NBAS: variants seen among roughly 807,000 people sequenced by gnomAD.
NBAS encodes the protein NAG/BC035112 fusion.
A neutral mutation model predicts 302.5 loss-of-function variants in NBAS; 219 were observed. The ratio of observed to expected loss-of-function variants is 0.72; its 90% CI spans 0.65 to 0.81. The LOEUF is 0.81. Among genes scored for constraint, NBAS ranks in the 30% least tolerant of loss-of-function variants. The pLI is 0.00. For synonymous variants in NBAS, 1,118 were observed against 1,021.6 expected (o/e 1.09, Z -1.80); for missense variants, 2,932 against 2,841.6 (o/e 1.03, Z -0.72).
intron 41 of NBAS, 64 bp from the exon 42 acceptor site, chr2:15,287,247 C>T (rs568312313): frequency 3.0e-5 from 38 of 1,284,468 alleles, no homozygotes; most frequent in East Asian, 9.3e-5. Context: ...CAATCAGCAA[C>T]GAAAATGCTC....
chr2:15,052,132 C>G, the NBAS span, among the ~76,000 whole-genome samples: 2 of 152,178 alleles, frequency 1.3e-5, no homozygotes, highest in Non-Finnish European at 2.9e-5. Flanking sequence ...GACACTTAAT[C>G]TAGCCCCAGC....
In NBAS at chr2:15,238,689, T is replaced by TAAA. The variant is rs758697933; in HGVS notation, c.5725-6_5725-4dup. The stretch of plus-strand genomic sequence containing the variant: ...TCTTTACGGGCTTCCACAGACAGCT[T>TAAA]AAAAAAAAGAATAGTGAGACCAAAG... On this transcript the variant is annotated splice_polypyrimidine_tract_variant and splice_region_variant and intron_variant, in intron 44 of 51. Coordinates refer to ENST00000281513, the MANE Select transcript of NBAS (RefSeq NM_015909.4). 1.4e-6 allele frequency: 2 copies of TAAA among 1,458,014 alleles called. No individual in the cohort carries two copies. Among genetic ancestry groups the TAAA allele is most frequent in the Non-Finnish European group, 1.8e-6 (2 of 1,109,850 alleles). 90.3% of individuals were successfully genotyped at this position (1,458,014 alleles called of 1,614,324 possible). A position where few individuals can be genotyped will look rare whatever the true frequency, so the allele number is the denominator to read the frequency against.
chr2:15,163,946 G>A (rs574960879), downstream of NBAS, among the ~76,000 whole-genome samples: 12 of 152,188 alleles, frequency 7.9e-5, no homozygotes, highest in East Asian at 5.8e-4. Flanking sequence ...ATAGGCGTGC[G>A]CCACCACGCC....
chr2:15,047,905 C>A, the NBAS span, among the ~76,000 whole-genome samples: 2 of 152,390 alleles, frequency 1.3e-5, no homozygotes, highest in South Asian at 4.1e-4. Context: ...GGATACTGAC[C>A]TCAAAGCATT....
Position 15,474,296 on chromosome 2 carries a change from G to A in NBAS, c.1370C>T (p.Ser457Phe). 1 of 1,613,308 alleles carries A rather than the reference G, an allele frequency of 6.2e-7. No homozygotes were observed. Among genetic ancestry groups the A allele is most frequent in the Non-Finnish European group, 8.5e-7 (1 of 1,179,498 alleles). ...ECEIKLAPKRSRLETRAGEED... is the reference protein window; with the variant it reads ...ECEIKLAPKRFRLETRAGEED... ...TTCTCCAGCTCTAGTCTCCAAACGAGATCGTTTGGGGGCAAGTTTAATCTC... is the reference window on the plus strand; with the variant it reads ...TTCTCCAGCTCTAGTCTCCAAACGAAATCGTTTGGGGGCAAGTTTAATCTC... The change falls in exon 15 of 52, where the codon TCT becomes TTT. Residue 457 changes from serine to phenylalanine, a missense_variant. By Grantham distance (155) the Ser-to-Phe change is radical (BLOSUM62 -2). Transcript: ENST00000281513.
chr2:14,915,562 T>C, the NBAS span, among the ~76,000 whole-genome samples: 1,952 of 152,146 alleles, frequency 0.013, 31 homozygotes, highest in Middle Eastern at 0.048. Flanking sequence ...CAAGATCTGA[T>C]GGGTTTTTTT....
the NBAS span, among the ~76,000 whole-genome samples, chr2:15,123,793 C>T: frequency 1.3e-5 from 2 of 152,142 alleles, no homozygotes; most frequent in African/African-American, 4.8e-5. Context: ...CCAATTTAAC[C>T]TCCTTTATTT....
the NBAS span, among the ~76,000 whole-genome samples, chr2:15,106,896 T>C: frequency 1.3e-5 from 2 of 152,050 alleles, no homozygotes; most frequent in South Asian, 2.1e-4. Flanking sequence ...ACTTTGAGAA[T>C]TGGTATAAAA....
chr2:15,141,577 G>C, the NBAS span, among the ~76,000 whole-genome samples: 1 of 152,186 alleles, frequency 6.6e-6, no homozygotes, highest in Non-Finnish European at 1.5e-5. Flanking sequence ...TGAAGCTGAG[G>C]AAAGAGTTAG....
chr2:15,495,792 T>G (rs1007540861), intron 11 of NBAS, among the ~76,000 whole-genome samples: 3 of 152,070 alleles, frequency 2.0e-5, no homozygotes, highest in Admixed American at 6.5e-5. Flanking sequence ...ATAACAAGTG[T>G]TGGCATGGAT....
At chr2:14,913,266 C>T in the NBAS span, among the ~76,000 whole-genome samples, 4 of 152,232 alleles carry the variant, frequency 2.6e-5, no homozygotes, top group East Asian at 1.9e-4. Flanking sequence ...GTGCTGTGGC[C>T]GACTTAAGCA....
At chr2:15,536,318 T>C (rs1423554232) in intron 8 of NBAS, 100 bp downstream of exon 8, 4 of 1,407,150 alleles carry the variant, frequency 2.8e-6, no homozygotes, top group Non-Finnish European at 3.9e-6. Flanking sequence ...CAATTTTTCA[T>C]AATAGACAGA....
chr2:15,186,727 A>G lies in NBAS; in HGVS notation c.6711+15T>C, dbSNP rs1284069775. 1 of 1,613,748 alleles carries G rather than the reference A, an allele frequency of 6.2e-7. No individual in the cohort carries two copies. Among genetic ancestry groups the G allele is most frequent in the South Asian group, 1.1e-5 (1 of 91,070 alleles). ...AAGGCCACTCCTTAGGAAAGCACTC[A>G]AAATATCCACTCACCTCTGCAGGCA... On this transcript the variant is annotated intron_variant, in intron 50 of 51. Coordinates refer to ENST00000281513, the MANE Select transcript of NBAS (RefSeq NM_015909.4).
At chr2:14,803,386 A>G in the NBAS span, among the ~76,000 whole-genome samples, 13 of 152,178 alleles carry the variant, frequency 8.5e-5, no homozygotes, top group East Asian at 2.5e-3. Flanking sequence ...CTCTTTGTGC[A>G]GCTCTATTTT....
Position 15,248,128 on chromosome 2 carries a change from T to C in NBAS, c.5725-9442A>G, listed in dbSNP as rs1668189492. ...CTCTCAGGCCACAGTGCAATCAAAT[T>C]AGAACTCAGGATTAAGAAACTCACT... is the stretch of plus-strand genomic sequence containing the variant. On this transcript the variant is annotated intron_variant, in intron 44 of 51. Coordinates refer to ENST00000281513, the MANE Select transcript of NBAS (RefSeq NM_015909.4). 1.3e-5 allele frequency among the ~76,000 whole-genome samples: 2 copies of C among 152,078 alleles called. 1 individual carries two copies. Among genetic ancestry groups the C allele is most frequent in the South Asian group, 4.1e-4 (2 of 4,822 alleles).
At chr2:15,163,315 A>G (rs1643662589), downstream of NBAS, among the ~76,000 whole-genome samples, 1 of 152,184 alleles carries the variant, frequency 6.6e-6, no homozygotes, top group African/African-American at 2.4e-5. Context: ...GAAGGGGGTC[A>G]TATTTGGATC....
the NBAS span, among the ~76,000 whole-genome samples, chr2:15,054,447 C>A: frequency 1.1e-3 from 172 of 152,338 alleles, no homozygotes; most frequent in Admixed American, 1.8e-3. Flanking sequence ...AGCTTTCATT[C>A]TCACAGCCAC....
chr2:15,169,189 G>A (rs577281471), intron 51 of NBAS, among the ~76,000 whole-genome samples: 10 of 152,158 alleles, frequency 6.6e-5, no homozygotes, highest in East Asian at 5.8e-4. Context: ...TCTTTTCTCC[G>A]GCCTCCCAAT....
At chr2:15,346,804 T>C (rs1184198417) in intron 35 of NBAS, among the ~76,000 whole-genome samples, 2 of 152,194 alleles carry the variant, frequency 1.3e-5, no homozygotes, top group South Asian at 2.1e-4. Context: ...ATATATACCA[T>C]GGAATACTAT....
Sources: allele counts gnomAD v4.1 joint callset (sites outside exome capture counted in the v4.1 genomes callset), GRCh38; gene constraint gnomAD v4.1.1; transcripts MANE v1.5; gene names NCBI Gene and HGNC (gene_info 2026-07-23, HGNC 2026-07-21).